The following RIN2 variants were observed in gnomAD, a reference collection of about 807,000 sequenced individuals.
RIN2 encodes Ras and Rab interactor 2.
In RIN2, 36 loss-of-function variants were observed where a neutral mutation model predicts 78.0. The observed-to-expected ratio is 0.46, with a 90% CI of 0.35 to 0.61. RIN2 has a LOEUF of 0.61. Among genes scored for constraint, RIN2 ranks in the 20% least tolerant of loss-of-function variants. The pLI is 0.00. For missense variants in RIN2, 1,087 were observed against 1,159.7 expected, an observed-to-expected ratio of 0.94 and a Z score of 0.91; for synonymous variants, 466 against 466.8, an observed-to-expected ratio of 1.00 and a Z score of 0.02.
rs528943082 is a variant in RIN2 at position 19,956,858 on chromosome 20, G to A, written c.351+51G>A. 1.2e-4 allele frequency: 171 copies of A among 1,418,068 alleles called. 1 individual carries two copies. The highest frequency in any genetic ancestry group is 1.1e-3 in the South Asian group (73 of 68,220). The allele number at this position is 1,418,068 out of a possible 1,614,324, so 87.8% of individuals were successfully genotyped here. On this transcript the variant is annotated intron_variant, in intron 5 of 12. Transcript: ENST00000255006. ...GGTTGAAGCAGGCAGGACTGCTGCC[G>A]GCTTAAAGAAAAACACTTGGAGTTA...
At chr20:19,992,567 A>G (rs2042828718) in intron 11 of RIN2, among the ~76,000 whole-genome samples, 1 of 152,214 alleles carries the variant, frequency 6.6e-6, no homozygotes, top group Admixed American at 6.5e-5. Context: ...TATTAATTTA[A>G]AAGAGTGTAC....
intron 4 of RIN2, among the ~76,000 whole-genome samples, chr20:19,953,576 G>C (rs941630461): frequency 2.6e-5 from 4 of 151,996 alleles, no homozygotes; most frequent in Admixed American, 6.6e-5. Context: ...GAGTAGCTGG[G>C]ACTACAGGCA....
chr20:19,815,942 T>C (rs1191625351), intron 2 of RIN2, among the ~76,000 whole-genome samples: 2 of 152,228 alleles, frequency 1.3e-5, no homozygotes, highest in African/African-American at 4.8e-5. Flanking sequence ...CTTGATAACA[T>C]ACGGGAAAAT....
chr20:19,999,606 A>G (rs199564), intron 12 of RIN2, among the ~76,000 whole-genome samples: 4,634 of 152,306 alleles, frequency 0.03, 257 homozygotes, highest in African/African-American at 0.11. Context: ...TGATAACTCC[A>G]CTGTTAAGGA....
intron 2 of RIN2, among the ~76,000 whole-genome samples, chr20:19,870,797 C>T (rs1192174771): frequency 6.6e-5 from 10 of 152,142 alleles, no homozygotes; most frequent in Admixed American, 5.9e-4. Flanking sequence ...ATTCCACATA[C>T]ACACTCTCTG....
chr20:19,785,461 A>G (rs970730075), intron 1 of RIN2, among the ~76,000 whole-genome samples: 1 of 152,188 alleles, frequency 6.6e-6, no homozygotes, highest in East Asian at 1.9e-4. Context: ...TCCGGAGAGG[A>G]AATGGGGAAA....
At chr20:19,992,581 C>A (rs2042829652) in intron 11 of RIN2, among the ~76,000 whole-genome samples, 1 of 152,082 alleles carries the variant, frequency 6.6e-6, no homozygotes, top group Non-Finnish European at 1.5e-5. Flanking sequence ...AGTGTACTAA[C>A]CTTTTTCTGA....
intron 2 of RIN2, among the ~76,000 whole-genome samples, chr20:19,827,657 T>A (rs1327669352): frequency 6.6e-6 from 1 of 152,146 alleles, no homozygotes; most frequent in Non-Finnish European, 1.5e-5. Context: ...AAGATCCAGG[T>A]ACGCCCTTAT....
chr20:19,800,445 A>T (rs2035204623), intron 2 of RIN2, among the ~76,000 whole-genome samples: 1 of 152,180 alleles, frequency 6.6e-6, no homozygotes, highest in Non-Finnish European at 1.5e-5. Context: ...CCTTGACATA[A>T]AGAATGTGGC....
chr20:19,897,431 C>T (rs1412341872), intron 3 of RIN2, among the ~76,000 whole-genome samples: 1 of 152,122 alleles, frequency 6.6e-6, no homozygotes, highest in Non-Finnish European at 1.5e-5. Flanking sequence ...TTTTTAAGTG[C>T]TCAGTATCCA....
rs535645744 is a variant in RIN2 at position 19,811,858 on chromosome 20, A to AAAG, written c.-37+12111_-37+12112insAAG. Among the ~76,000 whole-genome samples, 1,114 of 152,062 alleles carry AAAG rather than the reference A, an allele frequency of 7.3e-3. 13 individuals are homozygous for AAAG. Among genetic ancestry groups the AAAG allele is most frequent in the African/African-American group, 0.025 (1,035 of 41,414 alleles). ...ATATGCTCCCATTTTAAAAAAAAAA[A>AAAG]GCTTTGTTTGGGTATAATTTAAATA... On this transcript the variant is annotated intron_variant, in intron 2 of 12. Transcript: ENST00000255006.
chr20:19,853,180 G>C (rs572293766), intron 2 of RIN2, among the ~76,000 whole-genome samples: 190 of 151,956 alleles, frequency 1.3e-3, no homozygotes, highest in Middle Eastern at 3.4e-3. Flanking sequence ...ACGGTTTCCA[G>C]CTTCATCCAT....
At chr20:19,839,954 G>C (rs911644500) in intron 2 of RIN2, among the ~76,000 whole-genome samples, 1 of 152,194 alleles carries the variant, frequency 6.6e-6, no homozygotes, top group Non-Finnish European at 1.5e-5. Flanking sequence ...GAATTTGAAA[G>C]AGTAGCTATT....
chr20:19,999,647 A>G (rs2043080400), intron 12 of RIN2, among the ~76,000 whole-genome samples: 1 of 152,190 alleles, frequency 6.6e-6, no homozygotes, highest in Admixed American at 6.5e-5. Flanking sequence ...GGGTCACAAA[A>G]TCTAGGAGAG....
chr20:19,892,279 C>T lies in RIN2; in HGVS notation c.57+2621C>T, dbSNP rs191598064. Among the ~76,000 whole-genome samples, 672 of 152,200 alleles carry T rather than the reference C, an allele frequency of 4.4e-3. 5 individuals are homozygous for T. The highest frequency in any genetic ancestry group is 0.015 in the African/African-American group (618 of 41,530). ...TCACCCAGGCTGGTGTGCAGTGGTG[C>T]GATCTCGGCTCACTGCAACCTCTGC... On this transcript the variant is annotated intron_variant, in intron 3 of 12. Transcript: ENST00000255006.
intron 8 of RIN2, among the ~76,000 whole-genome samples, chr20:19,974,004 G>C (rs934513785): frequency 1.3e-5 from 2 of 152,160 alleles, no homozygotes; most frequent in African/African-American, 4.8e-5. Context: ...GGGAAGGAGG[G>C]ACTCCAAACC....
chr20:19,907,099 TG>T (rs1172324170), intron 3 of RIN2, among the ~76,000 whole-genome samples: 1 of 151,980 alleles, frequency 6.6e-6, no homozygotes, highest in African/African-American at 2.4e-5. Flanking sequence ...AGAGTACATG[TG>T]CATGCAAGGG....
At chr20:19,758,604 G>T (rs1002016069) in intron 1 of RIN2, among the ~76,000 whole-genome samples, 1 of 152,194 alleles carries the variant, frequency 6.6e-6, no homozygotes, top group African/African-American at 2.4e-5. Flanking sequence ...GGGTCACCGG[G>T]TGTCCTCAGC....
chr20:19,894,293 C>A (rs2038618647), intron 3 of RIN2, among the ~76,000 whole-genome samples: 1 of 152,168 alleles, frequency 6.6e-6, no homozygotes, highest in Non-Finnish European at 1.5e-5. Flanking sequence ...TCAAAGTTAT[C>A]TTTGATCCCC....
Sources: allele counts gnomAD v4.1 joint callset (sites outside exome capture counted in the v4.1 genomes callset), GRCh38; gene constraint gnomAD v4.1.1; transcripts MANE v1.5; gene names NCBI Gene and HGNC (gene_info 2026-07-23, HGNC 2026-07-21).